CHST15: variants seen among roughly 807,000 people sequenced by gnomAD.
The protein encoded by CHST15 is B cell RAG associated protein (GALNAC4S-6ST).
In CHST15, 30 loss-of-function variants were observed where a neutral mutation model predicts 53.6. The ratio of observed to expected loss-of-function variants is 0.56; its 90% CI spans 0.42 to 0.76. The LOEUF is 0.76. Ranked by LOEUF, CHST15 falls within the 30% of genes least tolerant of loss-of-function variation. The pLI is 0.00. For synonymous variants in CHST15, 296 were observed against 289.8 expected, an observed-to-expected ratio of 1.02 and a Z score of -0.22; for missense variants, 627 against 740.5, an observed-to-expected ratio of 0.85 and a Z score of 1.78.
At chr10:124,078,267 C>T (rs187158932) in intron 1 of CHST15, among the ~76,000 whole-genome samples, 85 of 152,350 alleles carry the variant, frequency 5.6e-4, no homozygotes, top group Admixed American at 1.0e-3. Flanking sequence ...TGACTTCACA[C>T]TGCCTATATT....
At chr10:124,030,383 A>G (rs1327263123) in intron 5 of CHST15, among the ~76,000 whole-genome samples, 1 of 152,220 alleles carries the variant, frequency 6.6e-6, no homozygotes, top group East Asian at 1.9e-4. Context: ...CCAGGAATCA[A>G]TAGGCAGCTT....
intron 5 of CHST15, among the ~76,000 whole-genome samples, chr10:124,038,251 A>T (rs9422263): frequency 5.9e-4 from 90 of 151,910 alleles, no homozygotes; most frequent in East Asian, 1.6e-3. Flanking sequence ...GGACTATAGG[A>T]GTGTGCCACC....
intron 1 of CHST15, among the ~76,000 whole-genome samples, chr10:124,083,258 C>G (rs1021414367): frequency 2.0e-5 from 3 of 152,138 alleles, no homozygotes; most frequent in African/African-American, 7.2e-5. Context: ...CCAGTGAGCA[C>G]GTCTTCTCAC....
intron 5 of CHST15, among the ~76,000 whole-genome samples, chr10:124,028,388 T>C: frequency 6.6e-6 from 1 of 152,270 alleles, no homozygotes; most frequent in East Asian, 1.9e-4. Flanking sequence ...CCAAGGCCAC[T>C]AGTTTGGGAA....
At chr10:124,082,397 C>T (rs1267297235) in intron 1 of CHST15, among the ~76,000 whole-genome samples, 1 of 152,158 alleles carries the variant, frequency 6.6e-6, no homozygotes, top group African/African-American at 2.4e-5. Flanking sequence ...CACGTTCGCC[C>T]GAAGGCCTTT....
chr10:124,044,807 A>G lies in CHST15; in HGVS notation c.659T>C (p.Leu220Pro). ...GGTGGAGCGGAAGCGCTTGGAGTAG[A>G]GCACGTAGGAGTTGGTGAGGTAGGG... ...TDPYLTNSYV[L>P]YSKRFRSTFD... is the part of the protein sequence containing the mutation. Residue 220 changes from leucine to proline, a missense_variant, in exon 3 of 8, where the codon CTC (leucine) becomes CCC (proline). Leu to Pro is a moderately conservative substitution (Grantham distance 98). This residue lies in a region of CHST15 where 161 missense variants were observed against 117.2 expected (regional missense o/e 1.37). Coordinates refer to ENST00000435907, the MANE Select transcript of CHST15 (RefSeq NM_001270764.2). 1 of 1,596,098 alleles carries G rather than the reference A, an allele frequency of 6.3e-7. No individual in the cohort carries two copies. The highest frequency in any genetic ancestry group is 2.3e-5 in the East Asian group (1 of 44,018).
At chr10:124,072,337 C>T (rs1948943057) in intron 1 of CHST15, among the ~76,000 whole-genome samples, 1 of 152,162 alleles carries the variant, frequency 6.6e-6, no homozygotes, top group South Asian at 2.1e-4. Context: ...TTGGGGAGAC[C>T]AGCACACCTG....
intron 1 of CHST15, among the ~76,000 whole-genome samples, chr10:124,058,302 G>A (rs1048824084): frequency 1.3e-5 from 2 of 152,178 alleles, no homozygotes; most frequent in African/African-American, 4.8e-5. Context: ...TAGGGTTGGC[G>A]GCAAAAGAAG....
intron 1 of CHST15, among the ~76,000 whole-genome samples, chr10:124,072,900 C>T (rs1324952930): frequency 6.6e-6 from 1 of 152,144 alleles, no homozygotes; most frequent in Non-Finnish European, 1.5e-5. Flanking sequence ...AGCTGTTATC[C>T]CCCAGGGTCT....
chr10:124,027,691 G>A (rs892591939), intron 5 of CHST15, among the ~76,000 whole-genome samples: 5 of 152,180 alleles, frequency 3.3e-5, no homozygotes, highest in Non-Finnish European at 7.3e-5. Context: ...CATGCTCTGC[G>A]TCTATCTTCA....
chr10:124,010,170 C>A lies in CHST15; in HGVS notation c.1665G>T (p.Ala555=), dbSNP rs770361113. 3 of 1,613,040 alleles carry A rather than the reference C, an allele frequency of 1.9e-6. No homozygotes were observed. Among genetic ancestry groups the A allele is most frequent in the East Asian group, 4.5e-5 (2 of 44,896 alleles). The stretch of plus-strand genomic sequence containing the variant: ...GCTCTCACGTCGTCTTCCACGCAAA[C>A]GCCTCATCCGCGAGGACCTGCGCCA... ...ARLAQVLADE[A]FAWKTT Residue 555 remains alanine (A), a synonymous_variant, in exon 8 of 8, where the codon GCG becomes GCT. Transcript: ENST00000435907.
Position 124,007,699 on chromosome 10 carries a change from G to A in CHST15, c.*2450C>T, listed in dbSNP as rs1946307890. Reference sequence around the variant, plus strand: ...GCAGAGGAAGAGCACGCGCTCCACAGGCGTCACTCTTATGGGTCCATCTTT... The same window carrying A: ...GCAGAGGAAGAGCACGCGCTCCACAAGCGTCACTCTTATGGGTCCATCTTT... On this transcript the variant is annotated 3_prime_UTR_variant, in exon 8 of 8. Transcript: ENST00000435907. 8.2e-7 allele frequency: 1 copy of A among 1,223,204 alleles called. No homozygotes were observed. The highest frequency in any genetic ancestry group is 1.0e-6 in the Non-Finnish European group (1 of 983,394). 75.8% of individuals were successfully genotyped at this position (1,223,204 alleles called of 1,614,324 possible).
intron 5 of CHST15, among the ~76,000 whole-genome samples, chr10:124,031,593 T>C (rs1191963041): frequency 6.6e-6 from 1 of 152,180 alleles, no homozygotes; most frequent in East Asian, 1.9e-4. Flanking sequence ...ATATATGGGG[T>C]CCACTGTTGA....
chr10:124,048,718 G>C (rs1293019860), intron 1 of CHST15, among the ~76,000 whole-genome samples: 1 of 152,234 alleles, frequency 6.6e-6, no homozygotes, highest in Non-Finnish European at 1.5e-5. Context: ...CAGCAGCTCA[G>C]CGGGGAGGGA....
chr10:124,010,609 G>A lies in CHST15; in HGVS notation c.1496-270C>T, dbSNP rs541890772. 34 of 985,446 alleles carry A rather than the reference G, an allele frequency of 3.5e-5. No homozygotes were observed. In the African/African-American group the frequency reaches 3.8e-4, roughly 11 times the overall value. The allele number at this position is 985,446 out of a possible 1,614,324, so 61.0% of individuals were successfully genotyped here. ...AGCTGGCATTTAATGATGATACAGC[G>A]TCTAAGGCTGACCTCAAGGATTCCC... On this transcript the variant is annotated intron_variant, in intron 7 of 7. Transcript: ENST00000435907.
chr10:124,011,826 C>T (rs1316266959), intron 7 of CHST15: 5 of 985,318 alleles, frequency 5.1e-6, no homozygotes, highest in Non-Finnish European at 6.0e-6. Context: ...CCAAGAATAC[C>T]GGAGATGATG....
intron 1 of CHST15, among the ~76,000 whole-genome samples, chr10:124,049,463 C>A (rs57961037): frequency 0.03 from 4,619 of 152,238 alleles, 219 homozygotes; most frequent in African/African-American, 0.11. Flanking sequence ...TTTCAACAAA[C>A]CCCCCAAACT....
intron 5 of CHST15, among the ~76,000 whole-genome samples, chr10:124,025,911 G>A (rs980166224): frequency 6.6e-6 from 1 of 152,100 alleles, no homozygotes; most frequent in African/African-American, 2.4e-5. Context: ...CCACCAGAGG[G>A]AACCAACCCT....
chr10:124,093,501 G>GCGGCTC lies in CHST15; in HGVS notation c.-551_-546dup, dbSNP rs1949673818. 1 of 152,080 alleles carries GCGGCTC rather than the reference G, an allele frequency of 6.6e-6. No individual in the cohort carries two copies. The highest frequency in any genetic ancestry group is 2.1e-4 in the South Asian group (1 of 4,818). The allele number at this position is 152,080 out of a possible 1,614,324, so 9.4% of individuals were successfully genotyped here. ...GCCTGAGTCCAGCCCGGGAGCCTCT[G>GCGGCTC]CGGCTCCGGCTCCGCGGGAGCGCGC... On this transcript the variant is annotated 5_prime_UTR_variant, in exon 1 of 8. Coordinates refer to ENST00000435907, the MANE Select transcript of CHST15 (RefSeq NM_001270764.2).
Sources: gnomAD v4.1 joint callset for allele counts (sites outside exome capture counted in the v4.1 genomes callset) on GRCh38, gnomAD v4.1.1 for gene constraint, gnomAD v4.1.1 regional missense constraint, MANE v1.5 for transcripts, NCBI Gene and HGNC (gene_info 2026-07-23, HGNC 2026-07-21) for gene names.